Variants in RAB8B observed in about 807,000 individuals in gnomAD.
The protein encoded by RAB8B is ras-related protein Rab-8B.
A neutral mutation model predicts 32.0 loss-of-function variants in RAB8B; 11 were observed. That is an observed-to-expected ratio of 0.34 (90% CI 0.22 to 0.57). RAB8B has a LOEUF of 0.57. Among genes scored for constraint, RAB8B ranks in the 20% least tolerant of loss-of-function variants. The probability of loss-of-function intolerance (pLI) is 0.86; values close to 1 mark genes in which losing one functional copy is unlikely to be tolerated. For missense variants in RAB8B, 190 were observed against 258.5 expected, an observed-to-expected ratio of 0.73 and a Z score of 1.82; for synonymous variants, 103 against 89.6, an observed-to-expected ratio of 1.15 and a Z score of -0.85.
At chr15:63,260,500 A>G (rs991510148) in intron 6 of RAB8B, among the ~76,000 whole-genome samples, 2 of 152,246 alleles carry the variant, frequency 1.3e-5, no homozygotes, top group African/African-American at 4.8e-5. Flanking sequence ...GAGTAGCTTT[A>G]ATAAATTTTC....
rs1221426414 is a variant in RAB8B, at chr15:63,256,727, A to G, written c.414+133A>G. 6.1e-6 allele frequency: 4 copies of G among 658,966 alleles called. No homozygotes were observed. The African/African-American group carries it at 7.6e-5, about 13-fold the overall frequency. The allele number at this position is 658,966 out of a possible 1,614,324, so 40.8% of individuals were successfully genotyped here. ...TTTAAATTGGATATCAACAACAAAG[A>G]GATGTAATCCATACTTGAATGGTGT... On this transcript the variant is annotated intron_variant, in intron 5 of 7. Transcript: ENST00000321437.
chr15:63,209,762 T>A (rs895759719), intron 1 of RAB8B, among the ~76,000 whole-genome samples: 17 of 151,978 alleles, frequency 1.1e-4, no homozygotes, highest in African/African-American at 2.4e-4. Context: ...TTTTTTTTTT[T>A]AATTATACTT....
chr15:63,261,224 A>T (rs75561597), intron 6 of RAB8B, among the ~76,000 whole-genome samples: 1 of 152,200 alleles, frequency 6.6e-6, no homozygotes, highest in Non-Finnish European at 1.5e-5. Context: ...ACAGTGAGCT[A>T]TCATCTCACC....
chr15:63,198,968 A>G (rs1162651657), intron 1 of RAB8B, among the ~76,000 whole-genome samples: 1 of 152,212 alleles, frequency 6.6e-6, no homozygotes, highest in African/African-American at 2.4e-5. Flanking sequence ...TTGCTTATGA[A>G]TTTGGATGTG....
At chr15:63,206,704 C>A (rs1412062118) in intron 1 of RAB8B, among the ~76,000 whole-genome samples, 1 of 152,104 alleles carries the variant, frequency 6.6e-6, no homozygotes. Context: ...CTATTGAAAT[C>A]ATCCTCATTC....
At chr15:63,255,440 A>G in intron 3 of RAB8B, 67 bp from the exon 4 acceptor site, 1 of 1,091,194 alleles carries the variant, frequency 9.2e-7, no homozygotes, top group Non-Finnish European at 1.3e-6. Flanking sequence ...GTAGGAGTAC[A>G]TTGACATTAT....
chr15:63,237,543 G>A (rs1275748185), intron 1 of RAB8B, among the ~76,000 whole-genome samples: 3 of 152,144 alleles, frequency 2.0e-5, no homozygotes, highest in Non-Finnish European at 4.4e-5. Context: ...TTTGAAAAAT[G>A]TCTGCTTAGG....
rs2038253600 is a variant in RAB8B at position 63,266,920 on chromosome 15, G to T, written c.*3301G>T. 1 of 152,452 alleles carries T rather than the reference G, an allele frequency of 6.6e-6. No individual in the cohort carries two copies. The highest frequency in any genetic ancestry group is 6.5e-5 in the Admixed American group (1 of 15,270). 9.4% of individuals were successfully genotyped at this position (152,452 alleles called of 1,614,324 possible). A position where few individuals can be genotyped will look rare whatever the true frequency, so the allele number is the denominator to read the frequency against. On this transcript the variant is annotated 3_prime_UTR_variant, in exon 8 of 8. Coordinates refer to ENST00000321437, the MANE Select transcript of RAB8B (RefSeq NM_016530.3). ...TGACTTAGATTCCTTTACAAATTTAGTTCTCAATCTTTAAAAACCACATTT... is the reference window on the plus strand; with the variant it reads ...TGACTTAGATTCCTTTACAAATTTATTTCTCAATCTTTAAAAACCACATTT...
chr15:63,252,747 A>C (rs1249145969), intron 3 of RAB8B, among the ~76,000 whole-genome samples: 29 of 144,408 alleles, frequency 2.0e-4, no homozygotes, highest in Admixed American at 2.0e-3. Context: ...CTTTACTTTG[A>C]CTTTTTTTTT....
At chr15:63,260,113 G>T (rs562361443) in intron 6 of RAB8B, among the ~76,000 whole-genome samples, 1 of 152,318 alleles carries the variant, frequency 6.6e-6, no homozygotes, top group East Asian at 1.9e-4. Context: ...AATTACAGGC[G>T]TGAGCCACCA....
chr15:63,202,113 A>C (rs898731436), intron 1 of RAB8B, among the ~76,000 whole-genome samples: 1 of 146,610 alleles, frequency 6.8e-6, no homozygotes, highest in Non-Finnish European at 1.5e-5. Flanking sequence ...AAAAAAAAAA[A>C]AAAAAATACA....
Position 63,264,246 on chromosome 15 carries a change from A to T in RAB8B, c.*627A>T, listed in dbSNP as rs2038224458. 1 of 152,152 alleles carries T rather than the reference A, an allele frequency of 6.6e-6. No individual in the cohort carries two copies. The highest frequency in any genetic ancestry group is 2.1e-4 in the South Asian group (1 of 4,834). 9.4% of individuals were successfully genotyped at this position (152,152 alleles called of 1,614,324 possible). ...GCCTCATCCCCGACCTGTTTTCCAG[A>T]GTCTGGGTAGCTGAATGAATCACTT... On this transcript the variant is annotated 3_prime_UTR_variant, in exon 8 of 8. Coordinates refer to ENST00000321437, the MANE Select transcript of RAB8B (RefSeq NM_016530.3).
chr15:63,239,233 C>A (rs1294760494), intron 1 of RAB8B, among the ~76,000 whole-genome samples: 1 of 152,040 alleles, frequency 6.6e-6, no homozygotes, highest in South Asian at 2.1e-4. Flanking sequence ...GCTAATTATT[C>A]TTTTAATCCC....
chr15:63,218,933 AC>A (rs2141120400), intron 1 of RAB8B, among the ~76,000 whole-genome samples: 1 of 149,504 alleles, frequency 6.7e-6, no homozygotes, highest in African/African-American at 2.5e-5. Flanking sequence ...TATATACAAG[AC>A]CCTGAAGTTG....
At chr15:63,200,329 TACTAA>T (rs2037637118) in intron 1 of RAB8B, among the ~76,000 whole-genome samples, 1 of 152,242 alleles carries the variant, frequency 6.6e-6, no homozygotes, top group Non-Finnish European at 1.5e-5. Flanking sequence ...ATCTTTGTTG[TACTAA>T]AGAGATTGCT....
At position 63,259,783 on chromosome 15, in the gene RAB8B, G is replaced by A; in HGVS notation, c.480+91G>A. 8.6e-7 allele frequency: 1 copy of A among 1,163,484 alleles called. No individual in the cohort carries two copies. Among genetic ancestry groups the A allele is most frequent in the East Asian group, 2.4e-5 (1 of 40,984 alleles). The allele number at this position is 1,163,484 out of a possible 1,614,324, so 72.1% of individuals were successfully genotyped here. A position where few individuals can be genotyped will look rare whatever the true frequency, so the allele number is the denominator to read the frequency against. On this transcript the variant is annotated intron_variant, in intron 6 of 7. Coordinates refer to ENST00000321437, the MANE Select transcript of RAB8B (RefSeq NM_016530.3). This position sits in a 1 kb window ranked among gnomAD's most constrained non-coding sequence, Gnocchi z 4.4. ...AGCTCTCAGAGCTTTGGTATTTTCTGACCTAATGAATGCCTTTTGTTGACC... is the reference window on the plus strand; with the variant it reads ...AGCTCTCAGAGCTTTGGTATTTTCTAACCTAATGAATGCCTTTTGTTGACC...
At chr15:63,233,514 C>T (rs1290419001) in intron 1 of RAB8B, among the ~76,000 whole-genome samples, 1 of 151,930 alleles carries the variant, frequency 6.6e-6, no homozygotes, top group Non-Finnish European at 1.5e-5. Context: ...ACTAATTATC[C>T]TAAAATCAGC....
intron 2 of RAB8B, among the ~76,000 whole-genome samples, chr15:63,247,664 C>G (rs573231928): frequency 2.0e-5 from 3 of 152,194 alleles, no homozygotes; most frequent in Non-Finnish European, 4.4e-5. Context: ...GCAGCACTGG[C>G]TAAGAACGAG....
chr15:63,202,596 C>T (rs2037662456), intron 1 of RAB8B, among the ~76,000 whole-genome samples: 1 of 152,190 alleles, frequency 6.6e-6, no homozygotes, highest in Non-Finnish European at 1.5e-5. Context: ...TGTTGTCTGT[C>T]CACATGGGGA....
Sources: gnomAD v4.1 joint callset for allele counts (sites outside exome capture counted in the v4.1 genomes callset) on GRCh38, gnomAD v4.1.1 for gene constraint, Gnocchi (gnomAD v3.1) non-coding constraint, MANE v1.5 for transcripts, NCBI Gene and HGNC (gene_info 2026-07-23, HGNC 2026-07-21) for gene names.